The following HM13 variants were observed in gnomAD, a reference collection of about 807,000 sequenced individuals.
HM13 encodes signal peptide peptidase.
In HM13, 18 loss-of-function variants were observed where a neutral mutation model predicts 50.0. The observed-to-expected ratio is 0.36, with a 90% CI of 0.25 to 0.53. The LOEUF is 0.53. Ranked by LOEUF, HM13 falls within the 20% of genes least tolerant of loss-of-function variation. The pLI is 0.90. For synonymous variants in HM13, 197 were observed against 232.6 expected, an observed-to-expected ratio of 0.85 and a Z score of 1.39; for missense variants, 393 against 552.4, an observed-to-expected ratio of 0.71 and a Z score of 2.89.
intron 1 of HM13, among the ~76,000 whole-genome samples, chr20:31,516,699 A>C (rs1981803848): frequency 6.6e-6 from 1 of 152,202 alleles, no homozygotes; most frequent in Admixed American, 6.5e-5. Context: ...AACAGAGGGT[A>C]TGGATAGGAG....
At position 31,561,654 on chromosome 20, in the gene HM13, C is replaced by G; in HGVS notation, c.866C>G (p.Thr289Ser). The G allele has an allele frequency of 6.2e-7, 1 of 1,613,244 alleles. No homozygotes were observed. The highest frequency in any genetic ancestry group is 8.5e-7 in the Non-Finnish European group (1 of 1,179,108). The part of the protein sequence containing the change: ...FDISLKKNTH[T>S]YFYTSFAAYI... ...TGCAGCTTGAAGAAGAATACCCACA[C>G]CTACTTCTACACCAGCTTTGCAGCC... The change falls in exon 10 of 13, where the codon ACC (threonine) becomes AGC (serine). Residue 289 changes from threonine (T) to serine (S), a missense_variant. This residue lies in a region of HM13 where 74 missense variants were observed against 160.4 expected (regional missense o/e 0.46). Transcript: ENST00000398174.
intron 3 of HM13, among the ~76,000 whole-genome samples, chr20:31,544,019 A>G (rs946035118): frequency 6.6e-6 from 1 of 152,220 alleles, no homozygotes; most frequent in African/African-American, 2.4e-5. Context: ...TAAAGACTCC[A>G]TGCCAGGCAA....
intron 1 of HM13, among the ~76,000 whole-genome samples, chr20:31,520,310 T>G (rs1982074135): frequency 6.6e-6 from 1 of 152,158 alleles, no homozygotes; most frequent in Non-Finnish European, 1.5e-5. Flanking sequence ...TTTTTGTTTG[T>G]TTGTTTGTTC....
intron 1 of HM13, among the ~76,000 whole-genome samples, chr20:31,519,550 C>T (rs573054341): frequency 3.3e-5 from 5 of 152,172 alleles, no homozygotes; most frequent in Non-Finnish European, 7.4e-5. Flanking sequence ...TCTCTAGTAT[C>T]TGGTCCCTGG....
chr20:31,523,752 C>T (rs534882531), intron 1 of HM13, among the ~76,000 whole-genome samples: 15 of 152,272 alleles, frequency 9.9e-5, no homozygotes, highest in African/African-American at 3.1e-4. Context: ...GCCCAAGTCC[C>T]ACAGCACACT....
chr20:31,538,235 A>G lies in HM13; in HGVS notation c.339A>G (p.Gly113=). 6.2e-7 allele frequency: 1 copy of G among 1,614,068 alleles called. No individual in the cohort carries two copies. The highest frequency in any genetic ancestry group is 8.5e-7 in the Non-Finnish European group (1 of 1,179,998). The change falls in exon 3 of 13, where the codon GGA becomes GGG. Residue 113 remains glycine (G), a synonymous_variant. Coordinates refer to ENST00000398174, the MANE Select transcript of HM13 (RefSeq NM_178581.3). ...LLLSMYFFVL[G]ILALSHTISP... is the part of the protein sequence containing the mutation. Reference sequence around the variant, plus strand: ...TGTCCATGTATTTCTTCGTGCTGGGAATCCTGGCCCTGTCCCACACCATCA... The same window carrying G: ...TGTCCATGTATTTCTTCGTGCTGGGGATCCTGGCCCTGTCCCACACCATCA...
chr20:31,525,271 C>T (rs904177763), intron 1 of HM13, among the ~76,000 whole-genome samples: 1 of 152,180 alleles, frequency 6.6e-6, no homozygotes, highest in African/African-American at 2.4e-5. Flanking sequence ...GGGCTTACTG[C>T]CCTCTGCCCC....
At chr20:31,519,291 G>A (rs1365116337) in intron 1 of HM13, among the ~76,000 whole-genome samples, 1 of 152,134 alleles carries the variant, frequency 6.6e-6, no homozygotes, top group Non-Finnish European at 1.5e-5. Flanking sequence ...TGCAGAGATG[G>A]GGTTTCACCA....
chr20:31,563,894 T>C (rs896087847), intron 10 of HM13: 1 of 151,846 alleles, frequency 6.6e-6, no homozygotes, highest in Non-Finnish European at 1.5e-5. Flanking sequence ...CTGACCTACA[T>C]GGAGAAACCC....
chr20:31,514,500 GTCCCT>G lies in HM13; in HGVS notation c.-51_-47del, dbSNP rs1354086210. ...CTGCAGAGCCGGTGTCTCCGCCTGC[GTCCCT>G]GCTGCAGCAACCGGAGCTGGAGTCG... is the stretch of plus-strand genomic sequence containing the variant. On this transcript the variant is annotated 5_prime_UTR_variant, in exon 1 of 13. Transcript: ENST00000398174. The surrounding 1 kb of genome is among the most constrained non-coding windows in gnomAD (Gnocchi z 4.3). 4.3e-5 allele frequency: 67 copies of G among 1,563,932 alleles called. 1 individual carries two copies. In the Admixed American group the frequency reaches 9.0e-4, roughly 21 times the overall value.
intron 3 of HM13, among the ~76,000 whole-genome samples, chr20:31,544,214 G>A (rs1248929353): frequency 6.6e-6 from 1 of 152,214 alleles, no homozygotes; most frequent in Non-Finnish European, 1.5e-5. Context: ...CCACTCCACA[G>A]TACTGCCACC....
chr20:31,537,574 C>T (rs1334831103), intron 2 of HM13, among the ~76,000 whole-genome samples: 2 of 152,200 alleles, frequency 1.3e-5, no homozygotes, highest in Non-Finnish European at 2.9e-5. Context: ...CTAGAATTAA[C>T]ATGTGACCAT....
chr20:31,514,458 G>C lies in HM13; in HGVS notation c.-94G>C. ...GAGCACGTCACTTCCTGTTGCCTTA[G>C]GGGAACGTGGCTTTCCCTGCAGAGC... On this transcript the variant is annotated 5_prime_UTR_variant, in exon 1 of 13. Transcript: ENST00000398174. This position sits in a 1 kb window ranked among gnomAD's most constrained non-coding sequence, Gnocchi z 4.3. The C allele has an allele frequency of 1.1e-5, 16 of 1,396,352 alleles. No homozygotes were observed. Among genetic ancestry groups the C allele is most frequent in the Non-Finnish European group, 1.6e-5 (16 of 1,023,376 alleles). 86.5% of individuals were successfully genotyped at this position (1,396,352 alleles called of 1,614,324 possible). A position where few individuals can be genotyped will look rare whatever the true frequency, so the allele number is the denominator to read the frequency against.
Position 31,568,096 on chromosome 20 carries a change from A to C in HM13, c.1053A>C (p.Glu351Asp), listed in dbSNP as rs758779859. 3 of 1,611,198 alleles carry C rather than the reference A, an allele frequency of 1.9e-6. No homozygotes were observed. In the African/African-American group the frequency reaches 4.0e-5, roughly 22 times the overall value. Residue 351 changes from glutamate to aspartate, a missense_variant, in exon 12 of 13, where the codon GAA becomes GAC. By Grantham distance (45) the Glu-to-Asp change is conservative. This residue lies in a region of HM13 where 105 missense variants were observed against 115.9 expected (regional missense o/e 0.91). Coordinates refer to ENST00000398174, the MANE Select transcript of HM13 (RefSeq NM_178581.3). Reference protein sequence around the residue: ...TEMFSYESSAEILPHTPRLTH... With the variant: ...TEMFSYESSADILPHTPRLTH... Reference sequence around the variant, plus strand: ...CACACAGCTACGAGTCCTCGGCGGAAATCCTGCCTCATACCCCGAGGCTCA... The same window carrying C: ...CACACAGCTACGAGTCCTCGGCGGACATCCTGCCTCATACCCCGAGGCTCA...
chr20:31,556,585 A>G (rs1196894077), intron 8 of HM13, among the ~76,000 whole-genome samples: 1 of 152,236 alleles, frequency 6.6e-6, no homozygotes, highest in Non-Finnish European at 1.5e-5. Context: ...AGTAAGCAAC[A>G]GGGCCAGGAC....
intron 1 of HM13, among the ~76,000 whole-genome samples, chr20:31,526,138 AAAAG>A (rs1329278587): frequency 1.3e-5 from 2 of 150,818 alleles, no homozygotes; most frequent in African/African-American, 5.0e-5. Flanking sequence ...CAAAAAACAA[AAAAG>A]AAAGTTCGTC....
At chr20:31,558,332 C>A (rs1021213748) in intron 8 of HM13, among the ~76,000 whole-genome samples, 9 of 152,108 alleles carry the variant, frequency 5.9e-5, no homozygotes, top group African/African-American at 1.9e-4. Flanking sequence ...GCCACAGGGG[C>A]CTTTTTCAAA....
chr20:31,518,741 C>G (rs1981960675), intron 1 of HM13, among the ~76,000 whole-genome samples: 2 of 151,940 alleles, frequency 1.3e-5, no homozygotes, highest in Non-Finnish European at 2.9e-5. Context: ...ACCTGTAGTC[C>G]TAGCTACTCT....
rs758416415 is a variant in HM13, at chr20:31,527,597, A to G, written c.282+15A>G. On this transcript the variant is annotated intron_variant, in intron 2 of 12. Transcript: ENST00000398174. ...TCTTTTTCAAAGTAAGTCTTTTGCCACCTGTTGTGTCATTTGATCTAAATG... is the reference window on the plus strand; with the variant it reads ...TCTTTTTCAAAGTAAGTCTTTTGCCGCCTGTTGTGTCATTTGATCTAAATG... 1.3e-6 allele frequency: 2 copies of G among 1,552,334 alleles called. No homozygotes were observed. Among genetic ancestry groups the G allele is most frequent in the Admixed American group, 3.4e-5 (2 of 59,108 alleles).
Sources: allele counts gnomAD v4.1 joint callset (sites outside exome capture counted in the v4.1 genomes callset), GRCh38; gene constraint gnomAD v4.1.1; regional missense constraint gnomAD v4.1.1; non-coding constraint Gnocchi (gnomAD v3.1); transcripts MANE v1.5; gene names NCBI Gene and HGNC (gene_info 2026-07-23, HGNC 2026-07-21).